Variants in STX4 observed in about 807,000 individuals in gnomAD.
The protein encoded by STX4 is syntaxin 4, also known as syntaxin-4.
Under a neutral mutation model 41.8 loss-of-function variants are expected in STX4, and 24 were observed. That is an observed-to-expected ratio of 0.57 (90% CI 0.42 to 0.81). The LOEUF (loss-of-function observed/expected upper bound fraction) is 0.81, where lower values mean the gene tolerates loss of function less well. Among genes scored for constraint, STX4 ranks in the 30% least tolerant of loss-of-function variants. STX4 has a pLI of 0.00. For missense variants in STX4, 316 were observed against 389.9 expected (o/e 0.81, Z 1.60); for synonymous variants, 158 against 156.4 (o/e 1.01, Z -0.08).
intron 7 of STX4, 21 bp from the exon 8 acceptor site, chr16:31,038,489 C>T (rs765250666): frequency 5.0e-5 from 81 of 1,613,746 alleles, no homozygotes; most frequent in Admixed American, 4.0e-4. Flanking sequence ...AACAGTTGCC[C>T]CACTCCTGTC....
At position 31,039,506 on chromosome 16, in the gene STX4, C is replaced by T; in HGVS notation, c.703-35C>T. 4 of 1,603,200 alleles carry T rather than the reference C, an allele frequency of 2.5e-6. No homozygotes were observed. Among genetic ancestry groups the T allele is most frequent in the Non-Finnish European group, 8.5e-7 (1 of 1,171,788 alleles). The stretch of plus-strand genomic sequence containing the variant: ...TCTGGGGTGGGGTGGGCAAAGGCAT[C>T]CTTACCTCCCTGAACCACCCCATCC... On this transcript the variant is annotated intron_variant, in intron 8 of 10. Coordinates refer to ENST00000313843, the MANE Select transcript of STX4 (RefSeq NM_004604.5). The surrounding 1 kb of genome is among the most constrained non-coding windows in gnomAD (Gnocchi z 4.1).
chr16:31,034,329 A>G lies in STX4; in HGVS notation c.232+4A>G. 1 of 1,614,050 alleles carries G rather than the reference A, an allele frequency of 6.2e-7. No individual in the cohort carries two copies. Among genetic ancestry groups the G allele is most frequent in the Non-Finnish European group, 8.5e-7 (1 of 1,179,964 alleles). ...GCCACGCCCCTTCCCGAGGAGAGTG[A>G]GTGAAACCCCGGCTGCAGGGCGCAT... On this transcript the variant is annotated splice_donor_region_variant and intron_variant, in intron 3 of 10. Transcript: ENST00000313843.
rs1179813387 is a variant in STX4, at chr16:31,034,252, C to T, written c.159C>T (p.Val53=). The change falls in exon 3 of 11, where the codon GTC becomes GTT. Residue 53 remains valine (V), a synonymous_variant. Transcript: ENST00000313843. Reference sequence around the variant, plus strand: ...TCCGGACAATTCGGCAGACTATTGTCAAACTGGGGAATAAAGTCCAGGAGT... The same window carrying T: ...TCCGGACAATTCGGCAGACTATTGTTAAACTGGGGAATAAAGTCCAGGAGT... ...HKVRTIRQTI[V]KLGNKVQELE... is the part of the protein sequence containing the mutation. The T allele has an allele frequency of 6.2e-7, 1 of 1,614,152 alleles. No individual in the cohort carries two copies. The highest frequency in any genetic ancestry group is 1.1e-5 in the South Asian group (1 of 91,060).
At position 31,039,687 on chromosome 16, in the gene STX4, C is replaced by A. The variant is rs544762593; in HGVS notation, c.813+36C>A. On this transcript the variant is annotated intron_variant, in intron 9 of 10. Transcript: ENST00000313843. This position sits in a 1 kb window ranked among gnomAD's most constrained non-coding sequence, Gnocchi z 4.1. Reference sequence around the variant, plus strand: ...CAGGCCCGGCCACTGCCCCAGGCACCCTGTGTGACTTCCCTGACCCCCTCC... The same window carrying A: ...CAGGCCCGGCCACTGCCCCAGGCACACTGTGTGACTTCCCTGACCCCCTCC... 7 of 1,614,118 alleles carry A rather than the reference C, an allele frequency of 4.3e-6. No individual in the cohort carries two copies. The highest frequency in any genetic ancestry group is 1.1e-5 in the South Asian group (1 of 91,088).
chr16:31,034,230 G>A lies in STX4; in HGVS notation c.137G>A (p.Arg46Gln), dbSNP rs770424224. 1 of 1,614,120 alleles carries A rather than the reference G, an allele frequency of 6.2e-7. No homozygotes were observed. Among genetic ancestry groups the A allele is most frequent in the South Asian group, 1.1e-5 (1 of 91,072 alleles). Residue 46 changes from arginine (R) to glutamine (Q), a missense_variant, in exon 3 of 11, where the codon CGG becomes CAG. Coordinates refer to ENST00000313843, the MANE Select transcript of STX4 (RefSeq NM_004604.5). ...CCTCTCGGTCACCCTCCCCAGGTCC[G>A]GACAATTCGGCAGACTATTGTCAAA... is the stretch of plus-strand genomic sequence containing the variant. ...SPDEEFFHKV[R>Q]TIRQTIVKLG...
In STX4 at chr16:31,034,066, C is replaced by G; in HGVS notation, c.84C>G (p.His28Gln). 1 of 1,610,296 alleles carries G rather than the reference C, an allele frequency of 6.2e-7. No homozygotes were observed. Among genetic ancestry groups the G allele is most frequent in the Non-Finnish European group, 8.5e-7 (1 of 1,177,542 alleles). Reference sequence around the variant, plus strand: ...AGGAGCGGGTCGCGCTGGTGGTGCACCCGGGCACGGCACGGCTGGGGAGCC... The same window carrying G: ...AGGAGCGGGTCGCGCTGGTGGTGCAGCCGGGCACGGCACGGCTGGGGAGCC... ...EDKERVALVV[H>Q]PGTARLGSPD... The change falls in exon 2 of 11, where the codon CAC (histidine) becomes CAG (glutamine). Residue 28 changes from histidine (H) to glutamine (Q), a missense_variant. His to Gln is a conservative substitution (Grantham distance 24). Transcript: ENST00000313843.
intron 5 of STX4, among the ~76,000 whole-genome samples, 182 bp downstream of exon 5, chr16:31,035,222 G>A (rs971727348): frequency 6.6e-5 from 10 of 152,226 alleles, no homozygotes; most frequent in African/African-American, 2.4e-4. Flanking sequence ...CAGGTCTCCT[G>A]ATGCTCAGTC....
At chr16:31,036,855 G>A (rs1478135687) in intron 5 of STX4, among the ~76,000 whole-genome samples, 1 of 151,972 alleles carries the variant, frequency 6.6e-6, no homozygotes, top group Non-Finnish European at 1.5e-5. Context: ...TCTAGGGAGG[G>A]GTAAGGAGAC....
At chr16:31,034,946 C>G in intron 4 of STX4, 24 bp from the exon 5 acceptor site, 1 of 1,561,978 alleles carries the variant, frequency 6.4e-7, no homozygotes, top group Non-Finnish European at 8.6e-7. Flanking sequence ...CAAGTACCCC[C>G]AATACCCCTG....
Position 31,033,620 on chromosome 16 carries a change from G to T in STX4, c.-186G>T. 2.7e-6 allele frequency: 4 copies of T among 1,481,688 alleles called. No homozygotes were observed. Among genetic ancestry groups the T allele is most frequent in the Non-Finnish European group, 3.6e-6 (4 of 1,116,282 alleles). 91.8% of individuals were successfully genotyped at this position (1,481,688 alleles called of 1,614,324 possible). A position where few individuals can be genotyped will look rare whatever the true frequency, so the allele number is the denominator to read the frequency against. ...AATTCCAACCTGTGGAACCTTGGGG[G>T]GTCCCCGGGGTCGGCGCCTTCCCAT... On this transcript the variant is annotated 5_prime_UTR_variant, in exon 1 of 11. Transcript: ENST00000313843. The surrounding 1 kb of genome is among the most constrained non-coding windows in gnomAD (Gnocchi z 5.5).
intron 5 of STX4, among the ~76,000 whole-genome samples, chr16:31,036,767 T>TA (rs1441584045): frequency 6.6e-6 from 1 of 152,122 alleles, no homozygotes; most frequent in Non-Finnish European, 1.5e-5. Flanking sequence ...ACAAGAGACT[T>TA]AAAGGTGTTT....
chr16:31,033,838 G>A lies in STX4; in HGVS notation c.30+3G>A. ...ACAGGACCCACGAGCTGAGACAGGT[G>A]AGACGCCAGGGCAGCGGGGATGGGG... On this transcript the variant is annotated splice_donor_region_variant and intron_variant, in intron 1 of 10. Coordinates refer to ENST00000313843, the MANE Select transcript of STX4 (RefSeq NM_004604.5). This position sits in a 1 kb window ranked among gnomAD's most constrained non-coding sequence, Gnocchi z 5.5. 1 of 1,453,474 alleles carries A rather than the reference G, an allele frequency of 6.9e-7. No individual in the cohort carries two copies. The highest frequency in any genetic ancestry group is 9.1e-7 in the Non-Finnish European group (1 of 1,099,808). 90.0% of individuals were successfully genotyped at this position (1,453,474 alleles called of 1,614,324 possible). A position where few individuals can be genotyped will look rare whatever the true frequency, so the allele number is the denominator to read the frequency against.
In STX4 at chr16:31,033,601, A is replaced by G; in HGVS notation, c.-205A>G. 6.6e-7 allele frequency: 1 copy of G among 1,508,894 alleles called. No individual in the cohort carries two copies. The highest frequency in any genetic ancestry group is 8.9e-7 in the Non-Finnish European group (1 of 1,127,584). The allele number at this position is 1,508,894 out of a possible 1,614,324, so 93.5% of individuals were successfully genotyped here. The stretch of plus-strand genomic sequence containing the variant: ...GGAGCGGGGAAGAAAAGGGAATTCC[A>G]ACCTGTGGAACCTTGGGGGGTCCCC... On this transcript the variant is annotated 5_prime_UTR_variant, in exon 1 of 11. Coordinates refer to ENST00000313843, the MANE Select transcript of STX4 (RefSeq NM_004604.5). This position sits in a 1 kb window ranked among gnomAD's most constrained non-coding sequence, Gnocchi z 5.5.
intron 5 of STX4, among the ~76,000 whole-genome samples, chr16:31,037,522 T>C (rs888462862): frequency 4.0e-5 from 6 of 150,522 alleles, no homozygotes; most frequent in Non-Finnish European, 8.9e-5. Flanking sequence ...TAGCCGTGCG[T>C]GGTGGCGCGT....
intron 5 of STX4, among the ~76,000 whole-genome samples, chr16:31,037,678 TAAATA>T (rs2056811398): frequency 2.0e-5 from 3 of 146,884 alleles, no homozygotes; most frequent in African/African-American, 7.6e-5. Flanking sequence ...AAATAATAAA[TAAATA>T]AATAAATAAA....
chr16:31,036,764 A>G (rs2056802073), intron 5 of STX4, among the ~76,000 whole-genome samples: 1 of 152,126 alleles, frequency 6.6e-6, no homozygotes, highest in African/African-American at 2.4e-5. Context: ...TGAACAAGAG[A>G]CTTAAAGGTG....
At position 31,039,489 on chromosome 16, in the gene STX4, G is replaced by A; in HGVS notation, c.703-52G>A. ...GGAATGTTCTTCAGTCATCTGGGGT[G>A]GGGTGGGCAAAGGCATCCTTACCTC... On this transcript the variant is annotated intron_variant, in intron 8 of 10. Transcript: ENST00000313843. This position sits in a 1 kb window ranked among gnomAD's most constrained non-coding sequence, Gnocchi z 4.1. The A allele has an allele frequency of 6.4e-7, 1 of 1,566,806 alleles. No individual in the cohort carries two copies. Among genetic ancestry groups the A allele is most frequent in the Non-Finnish European group, 8.8e-7 (1 of 1,141,100 alleles).
chr16:31,034,116 T>C lies in STX4; in HGVS notation c.132+2T>C, dbSNP rs1555496409. On this transcript the variant is annotated splice_donor_variant, in intron 2 of 10. Coordinates refer to ENST00000313843, the MANE Select transcript of STX4 (RefSeq NM_004604.5). LOFTEE classifies it high-confidence loss of function. The stretch of plus-strand genomic sequence containing the variant: ...CCGGACGAGGAGTTCTTCCACAAGG[T>C]AAGGGGCTGGGGTCTCCGCCTGGAT... The C allele has an allele frequency of 6.2e-7, 1 of 1,608,078 alleles. No individual in the cohort carries two copies. Among genetic ancestry groups the C allele is most frequent in the Non-Finnish European group, 8.5e-7 (1 of 1,176,486 alleles).
In STX4 at chr16:31,034,456, A is replaced by C; in HGVS notation, c.233-6A>C. The C allele has an allele frequency of 1.2e-6, 2 of 1,601,376 alleles. No individual in the cohort carries two copies. Among genetic ancestry groups the C allele is most frequent in the Non-Finnish European group, 1.7e-6 (2 of 1,172,048 alleles). On this transcript the variant is annotated splice_polypyrimidine_tract_variant and splice_region_variant and intron_variant, in intron 3 of 10. Transcript: ENST00000313843. ...TGTTTGGGAGTCTTGGCCTTCTCTT[A>C]TTCAGGCATGAAGCAGGAGCTGCAG...
Sources: allele counts gnomAD v4.1 joint callset (sites outside exome capture counted in the v4.1 genomes callset), GRCh38; gene constraint gnomAD v4.1.1; non-coding constraint Gnocchi (gnomAD v3.1); transcripts MANE v1.5; gene names NCBI Gene and HGNC (gene_info 2026-07-23, HGNC 2026-07-21).